ASH1L: variants seen among roughly 807,000 people sequenced by gnomAD.
ASH1L encodes histone-lysine N-methyltransferase ASH1L.
Under a neutral mutation model 269.0 loss-of-function variants are expected in ASH1L, and 23 were observed. That is an observed-to-expected ratio of 0.09 (90% CI 0.06 to 0.12). ASH1L has a LOEUF of 0.12. Among genes scored for constraint, ASH1L ranks in the 10% least tolerant of loss-of-function variants. The pLI, the probability that ASH1L is intolerant of heterozygous loss-of-function variation, is 1.00. For missense variants in ASH1L, 2,912 were observed against 3,567.8 expected (o/e 0.82, Z 4.68); for synonymous variants, 1,187 against 1,253.5 (o/e 0.95, Z 1.12).
At chr1:155,532,248 C>A (rs1669718114) in intron 1 of ASH1L, among the ~76,000 whole-genome samples, 1 of 152,130 alleles carries the variant, frequency 6.6e-6, no homozygotes, top group Non-Finnish European at 1.5e-5. Context: ...GCATTAAATA[C>A]TTTTGCACAA....
chr1:155,409,992 C>T (rs764956035), intron 6 of ASH1L, among the ~76,000 whole-genome samples: 33 of 151,506 alleles, frequency 2.2e-4, no homozygotes, highest in Non-Finnish European at 3.7e-4. Flanking sequence ...ATGTGAAACC[C>T]CGTCTCTGCT....
chr1:155,338,415 G>A (rs769974938), intron 26 of ASH1L, 25 bp from the exon 27 acceptor site: 1 of 1,598,906 alleles, frequency 6.3e-7, no homozygotes, highest in Non-Finnish European at 8.5e-7. Context: ...TCTGAATTTA[G>A]TGTAAGACAC....
intron 26 of ASH1L, 29 bp downstream of exon 26, chr1:155,339,299 G>A: frequency 1.9e-6 from 3 of 1,606,938 alleles, no homozygotes; most frequent in African/African-American, 1.3e-5. Flanking sequence ...CAATCCCTTA[G>A]GATCCTCATA....
chr1:155,540,511 T>C (rs1670358482), intron 1 of ASH1L, among the ~76,000 whole-genome samples: 1 of 152,256 alleles, frequency 6.6e-6, no homozygotes, highest in Non-Finnish European at 1.5e-5. Context: ...TACTCAAACC[T>C]GTAATCCCAG....
chr1:155,364,562 T>A (rs113380293), intron 12 of ASH1L, among the ~76,000 whole-genome samples: 1,543 of 152,248 alleles, frequency 0.01, 37 homozygotes, highest in African/African-American at 0.036. Flanking sequence ...AATAACTGTA[T>A]CTAACATATT....
upstream of ASH1L, chr1:155,562,927 C>T (rs1410439693): frequency 4.4e-6 from 2 of 455,358 alleles, no homozygotes. Context: ...ACCCCTCGCG[C>T]GTGCGCCTCC....
At chr1:155,362,973 A>G (rs1655094098) in intron 12 of ASH1L, among the ~76,000 whole-genome samples, 1 of 152,052 alleles carries the variant, frequency 6.6e-6, no homozygotes, top group South Asian at 2.1e-4. Flanking sequence ...AAAGCATTTA[A>G]AAATTTTTAT....
intron 10 of ASH1L, among the ~76,000 whole-genome samples, chr1:155,376,446 AAAC>A (rs1407764019): frequency 6.9e-6 from 1 of 145,682 alleles, no homozygotes; most frequent in Non-Finnish European, 1.5e-5. Flanking sequence ...ATTGTTACTA[AAAC>A]AACAAATTCT....
At chr1:155,527,828 G>C (rs1478097083) in intron 1 of ASH1L, among the ~76,000 whole-genome samples, 1 of 152,064 alleles carries the variant, frequency 6.6e-6, no homozygotes, top group East Asian at 1.9e-4. Context: ...TGACAGGCAT[G>C]AGTCACCGTG....
Position 155,515,832 on chromosome 1 carries a change from TAAA to T in ASH1L, c.420+5265_420+5267del, listed in dbSNP as rs755945664. On this transcript the variant is annotated intron_variant, in intron 2 of 27. Coordinates refer to ENST00000392403, the MANE Select transcript of ASH1L (RefSeq NM_018489.3). The stretch of plus-strand genomic sequence containing the variant: ...TAGGCAACAAAAGGAGACTCTGCCT[TAAA>T]AAAAAAAAAAAAAAAAAAAATGCAT... 7.3e-3 allele frequency among the ~76,000 whole-genome samples: 775 copies of T among 106,756 alleles called. 10 individuals are homozygous for T. Among genetic ancestry groups the T allele is most frequent in the African/African-American group, 0.026 (750 of 28,848 alleles). 70.0% of individuals were successfully genotyped at this position (106,756 alleles called of 152,430 possible).
Position 155,521,384 on chromosome 1 carries a change from C to T in ASH1L, c.136G>A (p.Glu46Lys). The part of the protein sequence containing the change: ...EVELEKNTKE[E>K]EDLRKRNRER... ...CGATTCCGTTTGCGAAGGTCCTCTT[C>T]CTCCTTTGTGTTTTTTTCTAGCTCT... Residue 46 changes from glutamate (E) to lysine (K), a missense_variant, in exon 2 of 28, where the codon GAA becomes AAA. Physicochemically the swap from Glu to Lys is moderately conservative, Grantham distance 56 (BLOSUM62 1). Coordinates refer to ENST00000392403, the MANE Select transcript of ASH1L (RefSeq NM_018489.3). The T allele has an allele frequency of 1.9e-6, 3 of 1,614,160 alleles. No homozygotes were observed. Among genetic ancestry groups the T allele is most frequent in the Non-Finnish European group, 2.5e-6 (3 of 1,180,030 alleles).
chr1:155,391,052 T>C (rs1360469480), intron 7 of ASH1L, among the ~76,000 whole-genome samples: 1 of 152,040 alleles, frequency 6.6e-6, no homozygotes, highest in Non-Finnish European at 1.5e-5. Flanking sequence ...TTCAAGCGAT[T>C]GTCCTGCCTC....
At chr1:155,380,191 GAACT>G (rs1238684671) in intron 7 of ASH1L, 75 bp from the exon 8 acceptor site, 65 of 1,082,522 alleles carry the variant, frequency 6.0e-5, no homozygotes, top group Middle Eastern at 2.2e-4. Flanking sequence ...ACAGCTACAA[GAACT>G]AACATGTACT....
intron 7 of ASH1L, among the ~76,000 whole-genome samples, chr1:155,387,195 A>G (rs1657509692): frequency 6.6e-6 from 1 of 152,074 alleles, no homozygotes; most frequent in Admixed American, 6.6e-5. Context: ...GCTGGTCTCG[A>G]ACTGCTGGCC....
chr1:155,535,934 A>C (rs1670024814), intron 1 of ASH1L, among the ~76,000 whole-genome samples: 1 of 151,760 alleles, frequency 6.6e-6, no homozygotes, highest in African/African-American at 2.4e-5. Context: ...GGAGGCAGAG[A>C]TTGCAGTGAG....
intron 13 of ASH1L, among the ~76,000 whole-genome samples, chr1:155,359,106 C>T (rs1379361933): frequency 1.3e-5 from 2 of 152,090 alleles, no homozygotes; most frequent in Admixed American, 6.6e-5. Flanking sequence ...GGCCACAGAA[C>T]GAGATCCTGT....
chr1:155,455,986 T>C (rs1019825699), intron 4 of ASH1L, among the ~76,000 whole-genome samples: 1 of 152,162 alleles, frequency 6.6e-6, no homozygotes, highest in Non-Finnish European at 1.5e-5. Context: ...ACTTTATGCA[T>C]ATGTGGTTTT....
intron 5 of ASH1L, among the ~76,000 whole-genome samples, chr1:155,419,893 T>A (rs1243977006): frequency 1.3e-5 from 2 of 152,306 alleles, no homozygotes; most frequent in East Asian, 3.9e-4. Context: ...ACCCAAAGAC[T>A]CTACAAAAGA....
In ASH1L at chr1:155,519,981, G is replaced by A. The variant is rs148556453; in HGVS notation, c.420+1119C>T. Among the ~76,000 whole-genome samples, 886 of 152,152 alleles carry A rather than the reference G, an allele frequency of 5.8e-3. 7 individuals carry two copies. The highest frequency in any genetic ancestry group is 0.02 in the African/African-American group (831 of 41,504). On this transcript the variant is annotated intron_variant, in intron 2 of 27. Transcript: ENST00000392403. ...GCAAGTACATTCGATATTACCAGTC[G>A]CTGCAGACAGAAGAAATGGAAGACA...
Sources: gnomAD v4.1 joint callset for allele counts (sites outside exome capture counted in the v4.1 genomes callset) on GRCh38, gnomAD v4.1.1 for gene constraint, MANE v1.5 for transcripts, NCBI Gene and HGNC (gene_info 2026-07-23, HGNC 2026-07-21) for gene names.